The following SULT4A1 variants were observed in gnomAD, a reference collection of about 807,000 sequenced individuals.
SULT4A1 encodes the protein sulfotransferase family 4A member 1, also known as sulfotransferase 4A1.
Under a neutral mutation model 35.2 loss-of-function variants are expected in SULT4A1, and 11 were observed. That is an observed-to-expected ratio of 0.31 (90% CI 0.20 to 0.52). The LOEUF is 0.52. Among genes scored for constraint, SULT4A1 ranks in the 20% least tolerant of loss-of-function variants. The probability of loss-of-function intolerance (pLI) is 0.97; values close to 1 mark genes in which losing one functional copy is unlikely to be tolerated. For missense variants in SULT4A1, 271 were observed against 383.7 expected (o/e 0.71, Z 2.45); for synonymous variants, 152 against 151.8 (o/e 1.00, Z -0.01).
rs12158431 is a variant in SULT4A1 at position 43,861,171 on chromosome 22, C to A, written c.169+1043G>T. ...CAACACCCTCCACTGAGAGTCCCTA[C>A]TCCAATCTTCCTCAGAAGAATGTCA... On this transcript the variant is annotated intron_variant, in intron 1 of 6. Transcript: ENST00000330884. Among the ~76,000 whole-genome samples the A allele has an allele frequency of 8.6e-3, 1,316 of 152,300 alleles. 19 individuals carry two copies. The highest frequency in any genetic ancestry group is 0.028 in the African/African-American group (1,172 of 41,558).
intron 6 of SULT4A1, chr22:43,828,676 G>A (rs1189526175): frequency 1.1e-5 from 2 of 189,516 alleles, no homozygotes; most frequent in East Asian, 1.3e-4. Context: ...AAACCCATCA[G>A]CATGCTTTGC....
intron 1 of SULT4A1, among the ~76,000 whole-genome samples, chr22:43,845,666 G>A (rs1407072680): frequency 6.6e-6 from 1 of 151,386 alleles, no homozygotes; most frequent in Non-Finnish European, 1.5e-5. Context: ...CCCAGGCCAC[G>A]GGTCTGTGGC....
rs376047820 is a variant in SULT4A1, at chr22:43,843,337, G to A, written c.170-1405C>T. On this transcript the variant is annotated intron_variant, in intron 1 of 6. Coordinates refer to ENST00000330884, the MANE Select transcript of SULT4A1 (RefSeq NM_014351.4). ...CTCAAGAGGCTTAGGTGAGAGGATCGCTTGAACCCAGGAGGTAGAGGCTGC... is the reference window on the plus strand; with the variant it reads ...CTCAAGAGGCTTAGGTGAGAGGATCACTTGAACCCAGGAGGTAGAGGCTGC... 4.6e-5 allele frequency among the ~76,000 whole-genome samples: 7 copies of A among 152,312 alleles called. No individual in the cohort carries two copies. In the East Asian group the frequency reaches 5.8e-4, roughly 13 times the overall value.
At chr22:43,849,930 C>T (rs1039787272) in intron 1 of SULT4A1, among the ~76,000 whole-genome samples, 1 of 152,210 alleles carries the variant, frequency 6.6e-6, no homozygotes. Flanking sequence ...GGGGCTGGTA[C>T]AAAGTTTGTT....
chr22:43,860,132 C>A (rs954963492), intron 1 of SULT4A1, among the ~76,000 whole-genome samples: 89 of 152,324 alleles, frequency 5.8e-4, no homozygotes, highest in African/African-American at 2.1e-3. Context: ...CCAGGCCCTT[C>A]CGGCTCTGAC....
intron 1 of SULT4A1, among the ~76,000 whole-genome samples, chr22:43,847,223 G>T (rs968727324): frequency 2.0e-5 from 3 of 152,012 alleles, no homozygotes; most frequent in Non-Finnish European, 2.9e-5. Context: ...CACGAAACAC[G>T]CAGGGAACAG....
At chr22:43,835,483 C>A (rs1285595952) in intron 4 of SULT4A1, among the ~76,000 whole-genome samples, 1 of 152,184 alleles carries the variant, frequency 6.6e-6, no homozygotes, top group Non-Finnish European at 1.5e-5. Flanking sequence ...GCAGGATTCC[C>A]ACGGAGGAGC....
intron 5 of SULT4A1, among the ~76,000 whole-genome samples, chr22:43,830,880 G>C (rs559228146): frequency 1.3e-5 from 2 of 152,276 alleles, no homozygotes; most frequent in East Asian, 3.9e-4. Context: ...ATGCTCACTC[G>C]GGGCTAGTTT....
intron 1 of SULT4A1, among the ~76,000 whole-genome samples, chr22:43,852,000 T>C (rs1223964441): frequency 6.6e-6 from 1 of 152,158 alleles, no homozygotes; most frequent in Non-Finnish European, 1.5e-5. Flanking sequence ...CCTCTCCTGC[T>C]CTGGGAGTTC....
intron 1 of SULT4A1, among the ~76,000 whole-genome samples, chr22:43,847,614 C>A (rs1167698999): frequency 2.0e-5 from 3 of 152,076 alleles, no homozygotes; most frequent in African/African-American, 7.2e-5. Flanking sequence ...CCTCCCACCC[C>A]CTTCCAAGCC....
chr22:43,839,762 G>C (rs2063409348), intron 3 of SULT4A1, among the ~76,000 whole-genome samples, 183 bp downstream of exon 3: 1 of 152,150 alleles, frequency 6.6e-6, no homozygotes, highest in Non-Finnish European at 1.5e-5. Context: ...TTAAAAACTT[G>C]GGTAAAATGC....
chr22:43,827,910 G>A (rs1305411530), intron 6 of SULT4A1, among the ~76,000 whole-genome samples: 1 of 152,206 alleles, frequency 6.6e-6, no homozygotes, highest in Admixed American at 6.5e-5. Context: ...CAGGAAAGAA[G>A]TCGAGAGGGA....
chr22:43,833,324 A>G (rs2063337801), intron 5 of SULT4A1, among the ~76,000 whole-genome samples: 1 of 151,840 alleles, frequency 6.6e-6, no homozygotes, highest in Non-Finnish European at 1.5e-5. Context: ...CCTCTCCTCA[A>G]CGTCCCATCA....
chr22:43,831,936 G>A (rs969925203), intron 5 of SULT4A1, among the ~76,000 whole-genome samples: 2 of 152,234 alleles, frequency 1.3e-5, no homozygotes, highest in African/African-American at 2.4e-5. Flanking sequence ...CACACCAGGC[G>A]GGCCCGTGCC....
intron 4 of SULT4A1, among the ~76,000 whole-genome samples, chr22:43,837,883 A>G (rs1466071344): frequency 6.6e-6 from 1 of 152,240 alleles, no homozygotes; most frequent in African/African-American, 2.4e-5. Flanking sequence ...AGAGCCCCCG[A>G]TAAGCCACAC....
intron 1 of SULT4A1, among the ~76,000 whole-genome samples, chr22:43,858,967 A>C (rs995486434): frequency 1.3e-5 from 2 of 152,078 alleles, no homozygotes; most frequent in African/African-American, 4.8e-5. Flanking sequence ...CAGAACCCTC[A>C]TTACCAGGCC....
chr22:43,836,802 T>C (rs903389115), intron 4 of SULT4A1, among the ~76,000 whole-genome samples: 6 of 147,122 alleles, frequency 4.1e-5, no homozygotes, highest in African/African-American at 1.3e-4. Flanking sequence ...AGGGACCCAG[T>C]CTACACAGCG....
intron 4 of SULT4A1, among the ~76,000 whole-genome samples, chr22:43,838,088 G>A (rs2063391752): frequency 6.6e-6 from 1 of 152,232 alleles, no homozygotes; most frequent in Non-Finnish European, 1.5e-5. Flanking sequence ...GGCTGGCCAT[G>A]GGGAGCCCCC....
At chr22:43,860,065 A>AC (rs1365606268) in intron 1 of SULT4A1, among the ~76,000 whole-genome samples, 2 of 151,932 alleles carry the variant, frequency 1.3e-5, no homozygotes, top group East Asian at 3.9e-4. Flanking sequence ...AGCCCCCACC[A>AC]CCCCTTTGAA....
Sources: gnomAD v4.1 joint callset for allele counts (sites outside exome capture counted in the v4.1 genomes callset) on GRCh38, gnomAD v4.1.1 for gene constraint, MANE v1.5 for transcripts, NCBI Gene and HGNC (gene_info 2026-07-23, HGNC 2026-07-21) for gene names.